Variants in ADAMTS18 observed in about 807,000 individuals in gnomAD.
ADAMTS18 encodes A disintegrin and metalloproteinase with thrombospondin motifs 18.
In ADAMTS18, 157 loss-of-function variants were observed where a neutral mutation model predicts 165.9. The ratio of observed to expected loss-of-function variants is 0.95; its 90% CI spans 0.83 to 1.08. ADAMTS18 has a LOEUF of 1.08. Among genes scored for constraint, ADAMTS18 ranks in the 50% least tolerant of loss-of-function variants. The pLI is 0.00. For synonymous variants in ADAMTS18, 782 were observed against 578.2 expected, an observed-to-expected ratio of 1.35 and a Z score of -5.06; for missense variants, 2,040 against 1,534.0, an observed-to-expected ratio of 1.33 and a Z score of -5.51.
At chr16:77,338,461 T>C (rs933945725) in intron 11 of ADAMTS18, among the ~76,000 whole-genome samples, 1 of 150,178 alleles carries the variant, frequency 6.7e-6, no homozygotes, top group Non-Finnish European at 1.5e-5. Flanking sequence ...AGTCTCGAAC[T>C]CCTGGCCTAA....
In ADAMTS18 at chr16:77,374,868, A is replaced by G. The variant is rs143088146; in HGVS notation, c.496-7145T>C. The stretch of plus-strand genomic sequence containing the variant: ...GGACAAAAATCTAGAAGAATTCTTT[A>G]TAACAAAACAAGAATTTTACAGTGC... On this transcript the variant is annotated intron_variant, in intron 3 of 22. Transcript: ENST00000282849. 3.1e-3 allele frequency among the ~76,000 whole-genome samples: 467 copies of G among 152,334 alleles called. 6 individuals are homozygous for G. Among genetic ancestry groups the G allele is most frequent in the African/African-American group, 0.011 (453 of 41,586 alleles).
At chr16:77,404,408 A>G (rs2057369172) in intron 3 of ADAMTS18, among the ~76,000 whole-genome samples, 1 of 152,134 alleles carries the variant, frequency 6.6e-6, no homozygotes, top group African/African-American at 2.4e-5. Flanking sequence ...TGTACTATAT[A>G]ATCATACATA....
intron 16 of ADAMTS18, among the ~76,000 whole-genome samples, chr16:77,305,979 A>G (rs915595403): frequency 6.6e-6 from 1 of 152,244 alleles, no homozygotes; most frequent in Non-Finnish European, 1.5e-5. Context: ...CCTGGAGAAC[A>G]CAAACATGCT....
In ADAMTS18 at chr16:77,321,870, G is replaced by T. The variant is rs556815651; in HGVS notation, c.2163+466C>A. On this transcript the variant is annotated intron_variant, in intron 14 of 22. Coordinates refer to ENST00000282849, the MANE Select transcript of ADAMTS18 (RefSeq NM_199355.4). ...AGTAAATGAGGAACGTAGATATGGT[G>T]CTCGGCCAGGCGTGGTGGCTCACGC... Among the ~76,000 whole-genome samples the T allele has an allele frequency of 3.3e-5, 5 of 152,168 alleles. No homozygotes were observed. In the South Asian group the frequency reaches 1.0e-3, roughly 32 times the overall value.
At chr16:77,362,964 A>G (rs1361674422) in intron 6 of ADAMTS18, among the ~76,000 whole-genome samples, 4 of 152,202 alleles carry the variant, frequency 2.6e-5, no homozygotes, top group African/African-American at 9.6e-5. Context: ...TAAAATTCCA[A>G]AAACCATTTG....
chr16:77,287,469 T>C (rs1289088919), intron 22 of ADAMTS18, among the ~76,000 whole-genome samples: 1 of 151,994 alleles, frequency 6.6e-6, no homozygotes, highest in Non-Finnish European at 1.5e-5. Flanking sequence ...GACTCAGCCA[T>C]GAGGCACAGA....
chr16:77,432,242 G>A (rs902582074), intron 2 of ADAMTS18, among the ~76,000 whole-genome samples: 4 of 152,176 alleles, frequency 2.6e-5, no homozygotes, highest in African/African-American at 9.7e-5. Context: ...TTTACTGTGA[G>A]CTTTCACAGG....
chr16:77,421,814 C>G (rs1337672202), intron 3 of ADAMTS18, among the ~76,000 whole-genome samples: 7 of 152,054 alleles, frequency 4.6e-5, no homozygotes, highest in Non-Finnish European at 7.4e-5. Context: ...TGTCATATAT[C>G]TCCATGTTAT....
At chr16:77,362,077 G>A (rs747241005) in intron 7 of ADAMTS18, 28 bp downstream of exon 7, 20 of 1,613,210 alleles carry the variant, frequency 1.2e-5, no homozygotes, top group Non-Finnish European at 1.7e-5. Flanking sequence ...GCTAACAGGT[G>A]TGTGTGAAGG....
At chr16:77,400,710 C>T (rs1464459064) in intron 3 of ADAMTS18, among the ~76,000 whole-genome samples, 3 of 151,616 alleles carry the variant, frequency 2.0e-5, no homozygotes, top group Non-Finnish European at 2.9e-5. Context: ...ACCTCGTGAT[C>T]CGCCTGCCTC....
chr16:77,428,739 G>A (rs1478752152), intron 3 of ADAMTS18, among the ~76,000 whole-genome samples: 9 of 151,944 alleles, frequency 5.9e-5, no homozygotes, highest in Admixed American at 5.9e-4. Context: ...AATCCTTATT[G>A]GAGCATTTCA....
chr16:77,282,510 A>T lies in ADAMTS18; in HGVS notation c.*1446T>A, dbSNP rs1485270565. On this transcript the variant is annotated 3_prime_UTR_variant, in exon 23 of 23. Coordinates refer to ENST00000282849, the MANE Select transcript of ADAMTS18 (RefSeq NM_199355.4). ...ACTTTAATTAGAATGGGAACGAAGT[A>T]TGCTGCTAAATTTAACAAACCACTG... is the stretch of plus-strand genomic sequence containing the variant. The T allele has an allele frequency of 6.6e-6, 1 of 152,622 alleles. No homozygotes were observed. The highest frequency in any genetic ancestry group is 1.5e-5 in the Non-Finnish European group (1 of 68,030). 9.5% of individuals were successfully genotyped at this position (152,622 alleles called of 1,614,324 possible).
intron 16 of ADAMTS18, among the ~76,000 whole-genome samples, chr16:77,313,450 A>AAAT (rs1555511393): frequency 0.025 from 1,013 of 40,860 alleles, 2 homozygotes; most frequent in Non-Finnish European, 0.04. Context: ...TAATAAAAAT[A>AAAT]AAATAAATAA....
At chr16:77,413,883 G>A (rs274518) in intron 3 of ADAMTS18, among the ~76,000 whole-genome samples, 151,402 of 151,754 alleles carry the variant, frequency 1, 75,526 homozygotes, top group Middle Eastern at 1. Context: ...CAACATGTAC[G>A]TTCTGAAAAT....
chr16:77,352,985 C>G (rs141721473), intron 10 of ADAMTS18, among the ~76,000 whole-genome samples: 1 of 151,852 alleles, frequency 6.6e-6, no homozygotes, highest in Non-Finnish European at 1.5e-5. Context: ...GAGGCTGAGG[C>G]GGGAGAATGG....
At position 77,359,600 on chromosome 16, in the gene ADAMTS18, G is replaced by A. The variant is rs2144726899; in HGVS notation, c.1217-177C>T. ...GTTCTTTGTCCTGTGTAATGATAAT[G>A]TATAAATGCAACATTTCCTATTTTC... On this transcript the variant is annotated intron_variant, in intron 7 of 22. Coordinates refer to ENST00000282849, the MANE Select transcript of ADAMTS18 (RefSeq NM_199355.4). Among the ~76,000 whole-genome samples the A allele has an allele frequency of 2.7e-5, 4 of 149,400 alleles. 1 individual carries two copies. Among genetic ancestry groups the A allele is most frequent in the Middle Eastern group, 7.0e-3 (2 of 284 alleles).
At chr16:77,327,285 G>T (rs141439436) in intron 12 of ADAMTS18, among the ~76,000 whole-genome samples, 1 of 152,034 alleles carries the variant, frequency 6.6e-6, no homozygotes, top group Non-Finnish European at 1.5e-5. Context: ...CCCCTCACCC[G>T]ATCAGTGTAC....
At chr16:77,403,757 G>A (rs1056752133) in intron 3 of ADAMTS18, among the ~76,000 whole-genome samples, 1 of 152,118 alleles carries the variant, frequency 6.6e-6, no homozygotes, top group African/African-American at 2.4e-5. Context: ...GGAAAAATCA[G>A]ACACAGCCCT....
intron 3 of ADAMTS18, among the ~76,000 whole-genome samples, chr16:77,400,456 CTGTGTGTGTGTG>C (rs796918149): frequency 9.0e-6 from 1 of 110,770 alleles, no homozygotes; most frequent in Non-Finnish European, 1.8e-5. Flanking sequence ...GTGTGTGTGT[CTGTGTGTGTGTG>C]TGTGTGTGTG....
Sources: gnomAD v4.1 joint callset for allele counts (sites outside exome capture counted in the v4.1 genomes callset) on GRCh38, gnomAD v4.1.1 for gene constraint, MANE v1.5 for transcripts, NCBI Gene and HGNC (gene_info 2026-07-23, HGNC 2026-07-21) for gene names.